Variants in ACO2 observed in about 807,000 individuals in gnomAD.
The protein encoded by ACO2 is aconitase 2, also known as aconitate hydratase, mitochondrial.
A neutral mutation model predicts 84.5 loss-of-function variants in ACO2; 31 were observed. The observed-to-expected ratio is 0.37, with a 90% CI of 0.28 to 0.50. The LOEUF (loss-of-function observed/expected upper bound fraction) is 0.50, where lower values mean the gene tolerates loss of function less well. Ranked by LOEUF, ACO2 falls within the 20% of genes least tolerant of loss-of-function variation. The pLI, the probability that ACO2 is intolerant of heterozygous loss-of-function variation, is 0.97. For synonymous variants in ACO2, 414 were observed against 412.7 expected (o/e 1.00, Z -0.04); for missense variants, 685 against 1,029.3 (o/e 0.67, Z 4.58).
chr22:41,476,115 A>G (rs74579624), intron 1 of ACO2, among the ~76,000 whole-genome samples: 1,781 of 152,202 alleles, frequency 0.012, 37 homozygotes, highest in African/African-American at 0.041. Context: ...GATGTGTTAT[A>G]AAGCATTGTG....
chr22:41,475,145 T>TA (rs113478534), intron 1 of ACO2, among the ~76,000 whole-genome samples: 7,392 of 123,908 alleles, frequency 0.06, 504 homozygotes, highest in African/African-American at 0.17. Context: ...ACCTTTTTTA[T>TA]AAAAAAAAAA....
At chr22:41,509,815 C>CTTTTTTTTT (rs137832) in intron 3 of ACO2, among the ~76,000 whole-genome samples, 1 of 107,906 alleles carries the variant, frequency 9.3e-6, no homozygotes, top group African/African-American at 3.6e-5. Context: ...AGAATATGGT[C>CTTTTTTTTT]TTTTTTTTTT....
At position 41,478,436 on chromosome 22, in the gene ACO2, G is replaced by T. The variant is rs572181605; in HGVS notation, c.36+9254G>T. ...TGAGATTACAGGCGTGAGCCACTGC[G>T]CCTGGCCAAGAAAACCCTTTCAATA... On this transcript the variant is annotated intron_variant, in intron 1 of 17. Transcript: ENST00000216254. Among the ~76,000 whole-genome samples the T allele has an allele frequency of 2.0e-5, 3 of 152,288 alleles. No individual in the cohort carries two copies. The East Asian group carries it at 5.8e-4, about 29-fold the overall frequency.
At chr22:41,474,930 A>G (rs2037994795) in intron 1 of ACO2, among the ~76,000 whole-genome samples, 1 of 152,034 alleles carries the variant, frequency 6.6e-6, no homozygotes, top group African/African-American at 2.4e-5. Flanking sequence ...AGCTAAGGGC[A>G]GAATCTCATT....
intron 13 of ACO2, 99 bp from the exon 14 acceptor site, chr22:41,525,094 G>T: frequency 1.3e-6 from 2 of 1,595,084 alleles, no homozygotes; most frequent in South Asian, 2.2e-5. Flanking sequence ...TCTGTTCCCT[G>T]GGAGGGGAGG....
Position 41,470,945 on chromosome 22 carries a change from G to T in ACO2, c.36+1763G>T, listed in dbSNP as rs567404537. Among the ~76,000 whole-genome samples, 263 of 152,268 alleles carry T rather than the reference G, an allele frequency of 1.7e-3. 6 individuals are homozygous for T. In the South Asian group the frequency reaches 0.054, roughly 31 times the overall value. On this transcript the variant is annotated intron_variant, in intron 1 of 17. Coordinates refer to ENST00000216254, the MANE Select transcript of ACO2 (RefSeq NM_001098.3). ...GGCAAGATTATTTGATAAGATAAAT[G>T]ATTATAGAGTTCTTGAACTTGGAAG...
rs997699343 is a variant in ACO2 at position 41,528,361 on chromosome 22, T to G, written c.2209-118T>G. 8 of 1,412,418 alleles carry G rather than the reference T, an allele frequency of 5.7e-6. No individual in the cohort carries two copies. The African/African-American group carries it at 1.0e-4, about 18-fold the overall frequency. 87.5% of individuals were successfully genotyped at this position (1,412,418 alleles called of 1,614,324 possible). Reference sequence around the variant, plus strand: ...CATCAGGCACAGACTGGCCTAGGATTTGGTTTGCCTGCTGACCTCTTAGGT... The same window carrying G: ...CATCAGGCACAGACTGGCCTAGGATGTGGTTTGCCTGCTGACCTCTTAGGT... On this transcript the variant is annotated intron_variant, in intron 17 of 17. Coordinates refer to ENST00000216254, the MANE Select transcript of ACO2 (RefSeq NM_001098.3).
Position 41,517,624 on chromosome 22 carries a change from C to T in ACO2, c.933C>T (p.Gly311=), listed in dbSNP as rs200120553. The T allele has an allele frequency of 1.5e-4, 249 of 1,613,808 alleles. No homozygotes were observed. The highest frequency in any genetic ancestry group is 3.1e-5 in the Non-Finnish European group (37 of 1,179,954). ...TGAAGAAGTACCTGAGCAAGACCGG[C>T]CGGGAAGGTGAGCTGGCAGGGGCAG... ...HRMKKYLSKT[G]REDIANLADE... The change falls in exon 7 of 18, where the codon GGC becomes GGT. Residue 311 remains glycine, a synonymous_variant. Coordinates refer to ENST00000216254, the MANE Select transcript of ACO2 (RefSeq NM_001098.3).
chr22:41,472,510 T>C (rs1568998192), intron 1 of ACO2, among the ~76,000 whole-genome samples: 1 of 152,210 alleles, frequency 6.6e-6, no homozygotes, highest in Non-Finnish European at 1.5e-5. Flanking sequence ...CAGGGCACCA[T>C]AACCTCAGAA....
intron 1 of ACO2, among the ~76,000 whole-genome samples, chr22:41,476,609 C>T (rs565838762): frequency 1.3e-5 from 2 of 151,888 alleles, no homozygotes; most frequent in African/African-American, 2.4e-5. Context: ...ACTCGGGAGG[C>T]TGAGGTACGA....
chr22:41,508,199 C>T, intron 3 of ACO2, 150 bp downstream of exon 3: 1 of 1,103,780 alleles, frequency 9.1e-7, no homozygotes, highest in Non-Finnish European at 1.3e-6. Context: ...ACTTGTTTCT[C>T]TTTCTAAAAA....
intron 15 of ACO2, 188 bp from the exon 16 acceptor site, chr22:41,527,100 C>T (rs545679810): frequency 7.2e-5 from 58 of 802,670 alleles, no homozygotes; most frequent in African/African-American, 1.4e-4. Context: ...CTCGGGGCCT[C>T]GTTTGGGTCT....
intron 1 of ACO2, chr22:41,469,447 C>T (rs2037913914): frequency 4.4e-6 from 2 of 454,792 alleles, no homozygotes; most frequent in South Asian, 3.6e-5. Flanking sequence ...GCGGAGGCAC[C>T]TCTTTCTTCT....
At chr22:41,471,032 T>A (rs1346628760) in intron 1 of ACO2, among the ~76,000 whole-genome samples, 1 of 152,204 alleles carries the variant, frequency 6.6e-6, no homozygotes, top group African/African-American at 2.4e-5. Flanking sequence ...AGTATTAGAC[T>A]GGTGTAGAAG....
chr22:41,522,524 G>A (rs149995780), intron 9 of ACO2, among the ~76,000 whole-genome samples: 2 of 152,304 alleles, frequency 1.3e-5, no homozygotes, highest in Non-Finnish European at 2.9e-5. Flanking sequence ...ATGGCTGTTC[G>A]TATGAGCCCT....
rs192169198 is a variant in ACO2, at chr22:41,474,669, G to T, written c.36+5487G>T. Among the ~76,000 whole-genome samples, 432 of 134,476 alleles carry T rather than the reference G, an allele frequency of 3.2e-3. 20 individuals carry two copies. The highest frequency in any genetic ancestry group is 0.012 in the African/African-American group (412 of 33,886). The allele number at this position is 134,476 out of a possible 152,430, so 88.2% of individuals were successfully genotyped here. ...GCTGGAGTGCAGTGGCGCGATCTTG[G>T]CTCACTGCAAGCTCCGCCTCCCAGG... is the stretch of plus-strand genomic sequence containing the variant. On this transcript the variant is annotated intron_variant, in intron 1 of 17. Coordinates refer to ENST00000216254, the MANE Select transcript of ACO2 (RefSeq NM_001098.3).
chr22:41,518,628 CGGGT>C, intron 8 of ACO2, 56 bp downstream of exon 8: 5 of 1,363,732 alleles, frequency 3.7e-6, no homozygotes, highest in Non-Finnish European at 5.2e-6. Context: ...GGGAGCAGGG[CGGGT>C]CCTGCCTAAA....
chr22:41,484,306 G>A (rs188754838), intron 1 of ACO2, among the ~76,000 whole-genome samples: 7 of 152,250 alleles, frequency 4.6e-5, no homozygotes, highest in Non-Finnish European at 1.5e-5. Context: ...ATGGTACCAG[G>A]GATTGTGGGG....
chr22:41,497,837 C>A (rs2066325897), intron 1 of ACO2, among the ~76,000 whole-genome samples: 1 of 151,410 alleles, frequency 6.6e-6, no homozygotes. Context: ...GAGCCAAGAT[C>A]ATGCCACTGC....
Sources: gnomAD v4.1 joint callset for allele counts (sites outside exome capture counted in the v4.1 genomes callset) on GRCh38, gnomAD v4.1.1 for gene constraint, MANE v1.5 for transcripts, NCBI Gene and HGNC (gene_info 2026-07-23, HGNC 2026-07-21) for gene names.